CDK14: variants seen among roughly 807,000 people sequenced by gnomAD.
CDK14 encodes the protein cyclin-dependent kinase 14.
A neutral mutation model predicts 60.7 loss-of-function variants in CDK14; 34 were observed. That is an observed-to-expected ratio of 0.56 (90% confidence interval 0.43 to 0.75). The LOEUF (loss-of-function observed/expected upper bound fraction) is 0.75, where lower values mean the gene tolerates loss of function less well. Among genes scored for constraint, CDK14 ranks in the 30% least tolerant of loss-of-function variants. The pLI, the probability that CDK14 is intolerant of heterozygous loss-of-function variation, is 0.00. For missense variants in CDK14, 482 were observed against 564.1 expected (o/e 0.85, Z 1.47); for synonymous variants, 197 against 203.7 (o/e 0.97, Z 0.28).
intron 6 of CDK14, among the ~76,000 whole-genome samples, chr7:90,887,351 C>T (rs1046994812): frequency 1.3e-5 from 2 of 152,014 alleles, no homozygotes; most frequent in Admixed American, 6.6e-5. Flanking sequence ...ACTTAAATCA[C>T]GGAGATCTTA....
chr7:90,684,297 T>G (rs1323221628), intron 2 of CDK14, among the ~76,000 whole-genome samples: 2 of 152,194 alleles, frequency 1.3e-5, no homozygotes, highest in Non-Finnish European at 2.9e-5. Flanking sequence ...TGTATATATT[T>G]AATGTGTACA....
At chr7:91,132,668 C>T (rs1800153171) in intron 14 of CDK14, among the ~76,000 whole-genome samples, 1 of 152,114 alleles carries the variant, frequency 6.6e-6, no homozygotes, top group African/African-American at 2.4e-5. Flanking sequence ...ATTCCATTCA[C>T]ATTTATGCCT....
chr7:90,955,950 T>A, intron 9 of CDK14, 133 bp downstream of exon 9: 1 of 1,039,628 alleles, frequency 9.6e-7, no homozygotes, highest in Non-Finnish European at 1.4e-6. Context: ...GCCATGCTGC[T>A]GGATGTTTTA....
rs868188995 is a variant in CDK14, at chr7:91,173,534, A to T, written c.*29-33631A>T. Reference sequence around the variant, plus strand: ...GAAGACTGGTGATTTCTGCATTTCCATCTGAGGTACCGGGTTCATCTCACT... The same window carrying T: ...GAAGACTGGTGATTTCTGCATTTCCTTCTGAGGTACCGGGTTCATCTCACT... On this transcript the variant is annotated intron_variant, in intron 14 of 14. Transcript: ENST00000380050. Among the ~76,000 whole-genome samples, 27 of 152,156 alleles carry T rather than the reference A, an allele frequency of 1.8e-4. No individual in the cohort carries two copies. In the East Asian group the frequency reaches 4.8e-3, roughly 27 times the overall value.
chr7:91,149,372 C>T (rs565193757), intron 14 of CDK14, among the ~76,000 whole-genome samples: 1 of 152,078 alleles, frequency 6.6e-6, no homozygotes, highest in East Asian at 1.9e-4. Context: ...CCCTTTGTGC[C>T]ACCTTACTTG....
intron 2 of CDK14, among the ~76,000 whole-genome samples, chr7:90,700,779 T>G (rs1801767502): frequency 6.6e-6 from 1 of 152,172 alleles, no homozygotes; most frequent in African/African-American, 2.4e-5. Context: ...TTCTGAGGCC[T>G]TCTCAACTTG....
chr7:91,070,048 C>G (rs113303241), intron 11 of CDK14, among the ~76,000 whole-genome samples: 1 of 152,078 alleles, frequency 6.6e-6, no homozygotes, highest in Non-Finnish European at 1.5e-5. Context: ...CCTCCCACCT[C>G]GGCCTCCCAA....
intron 5 of CDK14, among the ~76,000 whole-genome samples, chr7:90,819,173 G>C (rs567217789): frequency 8.4e-4 from 128 of 152,222 alleles, no homozygotes; most frequent in African/African-American, 2.9e-3. Context: ...TTCTATTTCA[G>C]AGATGAAGTA....
intron 2 of CDK14, among the ~76,000 whole-genome samples, chr7:90,643,586 A>C (rs1049596787): frequency 6.6e-6 from 1 of 152,128 alleles, no homozygotes; most frequent in African/African-American, 2.4e-5. Flanking sequence ...AAGAGTTGTA[A>C]AATATATGTG....
At chr7:91,072,627 C>T (rs1047488523) in intron 11 of CDK14, among the ~76,000 whole-genome samples, 7 of 152,060 alleles carry the variant, frequency 4.6e-5, no homozygotes, top group South Asian at 2.1e-4. Flanking sequence ...CTCCTTCAAA[C>T]GATCGCAACA....
chr7:90,765,577 T>C (rs1271846830), intron 4 of CDK14, among the ~76,000 whole-genome samples: 1 of 149,462 alleles, frequency 6.7e-6, no homozygotes, highest in Non-Finnish European at 1.5e-5. Flanking sequence ...CTGAAAGTAA[T>C]TTATTACATT....
chr7:91,186,108 C>A, intron 14 of CDK14, among the ~76,000 whole-genome samples: 1 of 122,558 alleles, frequency 8.2e-6, no homozygotes, highest in South Asian at 3.5e-4. Flanking sequence ...TCCTTCTCCC[C>A]TCCCCTCCCC....
chr7:90,964,489 T>A (rs1794699111), intron 9 of CDK14, among the ~76,000 whole-genome samples: 1 of 152,194 alleles, frequency 6.6e-6, no homozygotes. Flanking sequence ...TAAAACCTAT[T>A]TTAAGTATAA....
intron 14 of CDK14, among the ~76,000 whole-genome samples, chr7:91,119,156 GA>G (rs1799706550): frequency 6.6e-6 from 1 of 152,102 alleles, no homozygotes; most frequent in Admixed American, 6.6e-5. Context: ...GATTTGTAGA[GA>G]AAAGTGTGTC....
chr7:90,965,055 C>T (rs1794711310), intron 9 of CDK14, among the ~76,000 whole-genome samples: 1 of 152,100 alleles, frequency 6.6e-6, no homozygotes, highest in South Asian at 2.1e-4. Flanking sequence ...TTTACGTCTC[C>T]TTTCCTCAGC....
chr7:91,134,942 C>T (rs17163613), intron 14 of CDK14, among the ~76,000 whole-genome samples: 2,094 of 151,932 alleles, frequency 0.014, 85 homozygotes, highest in East Asian at 0.13. Flanking sequence ...TCTTGAGACC[C>T]TGAACCAGCT....
At chr7:90,873,898 C>T (rs780179796) in intron 6 of CDK14, among the ~76,000 whole-genome samples, 93 of 152,066 alleles carry the variant, frequency 6.1e-4, no homozygotes, top group Non-Finnish European at 7.5e-4. Flanking sequence ...CTCCCATCCT[C>T]CCAGTGTAGT....
At chr7:90,792,198 C>CTT (rs35700270) in intron 5 of CDK14, among the ~76,000 whole-genome samples, 61,169 of 143,252 alleles carry the variant, frequency 0.43, 13,709 homozygotes, top group East Asian at 0.8. Context: ...CTGTGCCTGC[C>CTT]TTTTTTTTTT....
intron 12 of CDK14, among the ~76,000 whole-genome samples, chr7:91,109,558 G>A (rs567149897): frequency 2.6e-4 from 39 of 152,010 alleles, no homozygotes; most frequent in African/African-American, 8.4e-4. Flanking sequence ...AGGTAAAGGC[G>A]GACAAAATAG....
Sources: gnomAD v4.1 joint callset for allele counts (sites outside exome capture counted in the v4.1 genomes callset) on GRCh38, gnomAD v4.1.1 for gene constraint, MANE v1.5 for transcripts, NCBI Gene and HGNC (gene_info 2026-07-23, HGNC 2026-07-21) for gene names.